Variants in HHIP observed in about 807,000 individuals in gnomAD.
HHIP encodes the protein hedgehog interacting protein.
Under a neutral mutation model 74.0 loss-of-function variants are expected in HHIP, and 12 were observed. That is an observed-to-expected ratio of 0.16 (90% CI 0.10 to 0.26). The LOEUF (loss-of-function observed/expected upper bound fraction) is 0.26. Ranked by LOEUF, HHIP falls within the 10% of genes least tolerant of loss-of-function variation. The probability of loss-of-function intolerance (pLI) is 1.00; values close to 1 mark genes in which losing one functional copy is unlikely to be tolerated. For synonymous variants in HHIP, 309 were observed against 311.6 expected, an observed-to-expected ratio of 0.99 and a Z score of 0.09; for missense variants, 788 against 845.0, an observed-to-expected ratio of 0.93 and a Z score of 0.84.
chr4:144,734,655 G>C, intron 11 of HHIP, 86 bp from the exon 12 acceptor site: 1 of 1,100,344 alleles, frequency 9.1e-7, no homozygotes, highest in East Asian at 2.6e-5. Flanking sequence ...TAAGAGGCAT[G>C]CTTTGTAAGC....
intron 2 of HHIP, among the ~76,000 whole-genome samples, chr4:144,657,295 C>G (rs1728583348): frequency 1.3e-5 from 2 of 152,180 alleles, no homozygotes; most frequent in Admixed American, 1.3e-4. Context: ...ATGAGTCTCA[C>G]TTGGCTGATC....
chr4:144,655,849 T>G (rs1728545651), intron 2 of HHIP, among the ~76,000 whole-genome samples: 1 of 152,074 alleles, frequency 6.6e-6, no homozygotes, highest in African/African-American at 2.4e-5. Flanking sequence ...CTCAGAATAC[T>G]CCAAGGAAGC....
At chr4:144,688,884 G>A (rs1729555883) in intron 4 of HHIP, among the ~76,000 whole-genome samples, 1 of 152,166 alleles carries the variant, frequency 6.6e-6, no homozygotes, top group African/African-American at 2.4e-5. Flanking sequence ...CACCAAAAAT[G>A]TCATTGGAGT....
intron 2 of HHIP, among the ~76,000 whole-genome samples, 197 bp downstream of exon 2, chr4:144,652,994 C>T (rs2126578325): frequency 6.6e-6 from 1 of 152,174 alleles, no homozygotes; most frequent in African/African-American, 2.4e-5. Context: ...AGTCTGCAAA[C>T]ATTATAATTG....
At chr4:144,651,083 G>A (rs1243962922) in intron 1 of HHIP, 10 of 152,068 alleles carry the variant, frequency 6.6e-5, no homozygotes. Context: ...ACAGAACACA[G>A]TTGAACACTA....
In HHIP at chr4:144,736,059, T is replaced by C. The variant is rs186916672; in HGVS notation, c.1909+1170T>C. On this transcript the variant is annotated intron_variant, in intron 12 of 12. Transcript: ENST00000296575. ...AAATATGAGAATCAGTATTCAAATG[T>C]AATGATATTCAAATTCCTGCTAATT... 5.8e-3 allele frequency among the ~76,000 whole-genome samples: 889 copies of C among 152,204 alleles called. 8 individuals are homozygous for C. The highest frequency in any genetic ancestry group is 0.021 in the African/African-American group (865 of 41,542).
intron 4 of HHIP, among the ~76,000 whole-genome samples, chr4:144,682,359 ACAAAGTGAAGGGC>A (rs1179901183): frequency 1.3e-5 from 2 of 152,250 alleles, no homozygotes; most frequent in South Asian, 4.1e-4. Context: ...TCCCATGAAA[ACAAAGTGAAGGGC>A]CACATGGCAC....
At position 144,653,698 on chromosome 4, in the gene HHIP, A is replaced by T. The variant is rs376256222; in HGVS notation, c.472+901A>T. Among the ~76,000 whole-genome samples, 50 of 152,212 alleles carry T rather than the reference A, an allele frequency of 3.3e-4. 1 individual carries two copies. In the East Asian group the frequency reaches 7.9e-3, roughly 24 times the overall value. ...AAGAACCGTAGAATGCACCAAGAGA[A>T]TTTTTTTAAGTGCTATGTACATTTT... On this transcript the variant is annotated intron_variant, in intron 2 of 12. Transcript: ENST00000296575.
chr4:144,653,833 A>G (rs1728491034), intron 2 of HHIP, among the ~76,000 whole-genome samples: 1 of 152,158 alleles, frequency 6.6e-6, no homozygotes, highest in Non-Finnish European at 1.5e-5. Context: ...TGCATCTAGC[A>G]TAACATATAT....
chr4:144,714,365 C>T lies in HHIP; in HGVS notation c.1547+17C>T. The stretch of plus-strand genomic sequence containing the variant: ...TCGTAATGGGTAGGTTTCCTGATAC[C>T]ACAACAGTATGATATACCAAATGAC... On this transcript the variant is annotated intron_variant, in intron 9 of 12. Coordinates refer to ENST00000296575, the MANE Select transcript of HHIP (RefSeq NM_022475.3). 1 of 1,612,264 alleles carries T rather than the reference C, an allele frequency of 6.2e-7. No homozygotes were observed. The highest frequency in any genetic ancestry group is 1.1e-5 in the South Asian group (1 of 90,976).
chr4:144,693,181 A>C (rs965278279), intron 4 of HHIP, among the ~76,000 whole-genome samples: 1 of 152,092 alleles, frequency 6.6e-6, no homozygotes, highest in Non-Finnish European at 1.5e-5. Context: ...ATCAGGAACT[A>C]ATCTCTGCAT....
At chr4:144,692,256 C>A (rs557630550) in intron 4 of HHIP, among the ~76,000 whole-genome samples, 39 of 152,186 alleles carry the variant, frequency 2.6e-4, no homozygotes, top group African/African-American at 8.9e-4. Flanking sequence ...GCCTGGAAGT[C>A]ACATAAGCGA....
chr4:144,715,259 G>A, intron 9 of HHIP, 41 bp from the exon 10 acceptor site: 1 of 1,572,966 alleles, frequency 6.4e-7, no homozygotes, highest in Non-Finnish European at 8.7e-7. Flanking sequence ...ATAAACAAAA[G>A]TGTGTATTCA....
chr4:144,647,007 G>A lies in HHIP; in HGVS notation c.279+53G>A, dbSNP rs1439546450. On this transcript the variant is annotated intron_variant, in intron 1 of 12. Transcript: ENST00000296575. The stretch of plus-strand genomic sequence containing the variant: ...GTACTTGGCATATTGGCTGGGTGGG[G>A]TTCCCTGTGGCTCTGGCAAAGCCGG... 4 of 1,491,848 alleles carry A rather than the reference G, an allele frequency of 2.7e-6. No homozygotes were observed. The East Asian group carries it at 9.1e-5, about 34-fold the overall frequency. The allele number at this position is 1,491,848 out of a possible 1,614,324, so 92.4% of individuals were successfully genotyped here. A position where few individuals can be genotyped will look rare whatever the true frequency, so the allele number is the denominator to read the frequency against.
intron 2 of HHIP, among the ~76,000 whole-genome samples, chr4:144,653,739 C>T (rs1455965764): frequency 6.6e-6 from 1 of 151,622 alleles, no homozygotes; most frequent in Non-Finnish European, 1.5e-5. Flanking sequence ...TTTCTCTGAC[C>T]CAGGAAAGTG....
At chr4:144,685,674 AG>A (rs1363757399) in intron 4 of HHIP, 1 of 152,160 alleles carries the variant, frequency 6.6e-6, no homozygotes, top group Non-Finnish European at 1.5e-5. Flanking sequence ...TACCAATAAA[AG>A]AAAAAAAAAT....
chr4:144,701,261 C>G (rs934400414), intron 4 of HHIP, among the ~76,000 whole-genome samples: 3 of 151,632 alleles, frequency 2.0e-5, no homozygotes, highest in African/African-American at 7.3e-5. Flanking sequence ...GATGGTCTTA[C>G]TGTTTGTAGA....
Position 144,737,778 on chromosome 4 carries a change from G to C in HHIP, c.1924G>C (p.Ala642Pro). 4 of 1,605,550 alleles carry C rather than the reference G, an allele frequency of 2.5e-6. No homozygotes were observed. Among genetic ancestry groups the C allele is most frequent in the Non-Finnish European group, 3.4e-6 (4 of 1,175,306 alleles). The stretch of plus-strand genomic sequence containing the variant: ...TTCTCTCCCAGCAAAATGTGAGCCA[G>C]CATGTCGTCATGGAGGTGTCTGTGT... Reference protein sequence around the residue: ...DFCRTAKCEPACRHGGVCVRP... With the variant: ...DFCRTAKCEPPCRHGGVCVRP... Residue 642 changes from alanine to proline, a missense_variant, in exon 13 of 13, where the codon GCA (alanine) becomes CCA (proline). Ala to Pro is a conservative substitution (Grantham distance 27). Around this residue, in one of 3 missense-constraint regions of HHIP, gnomAD observed 343 missense variants for 347.9 expected, o/e 0.99. Transcript: ENST00000296575.
chr4:144,652,112 A>T (rs1027284959), intron 1 of HHIP, among the ~76,000 whole-genome samples: 6 of 152,098 alleles, frequency 3.9e-5, no homozygotes, highest in Admixed American at 1.3e-4. Context: ...TTGAAATTTT[A>T]AAAAAATGTA....
Sources: gnomAD v4.1 joint callset for allele counts (sites outside exome capture counted in the v4.1 genomes callset) on GRCh38, gnomAD v4.1.1 for gene constraint, gnomAD v4.1.1 regional missense constraint, MANE v1.5 for transcripts, NCBI Gene and HGNC (gene_info 2026-07-23, HGNC 2026-07-21) for gene names.